DUSP4: variants seen among roughly 807,000 people sequenced by gnomAD.
The protein encoded by DUSP4 is dual specificity protein phosphatase 4.
A neutral mutation model predicts 27.2 loss-of-function variants in DUSP4; 12 were observed. The ratio of observed to expected loss-of-function variants is 0.44; its 90% confidence interval spans 0.28 to 0.71. The LOEUF (loss-of-function observed/expected upper bound fraction) is 0.71, where lower values mean the gene tolerates loss of function less well. DUSP4 is among the 30% of genes least tolerant of loss of function. The pLI, the probability that DUSP4 is intolerant of heterozygous loss-of-function variation, is 0.14. For synonymous variants in DUSP4, 257 were observed against 245.2 expected, an observed-to-expected ratio of 1.05 and a Z score of -0.45; for missense variants, 448 against 551.3, an observed-to-expected ratio of 0.81 and a Z score of 1.88.
At position 29,340,173 on chromosome 8, in the gene DUSP4, T is replaced by C; in HGVS notation, c.504A>G (p.Pro168=). ...CSKTKALAAI[P]PPVPPSATEP... ...CTGTGGCACTGGGGGGAACCGGGGG[T>C]GGGATGGCTGCCAGGGCCTTGGTTT... Residue 168 remains proline (P), a synonymous_variant, in exon 2 of 4, where the codon CCA becomes CCG. Transcript: ENST00000240100. The C allele has an allele frequency of 6.2e-7, 1 of 1,609,308 alleles. No individual in the cohort carries two copies. The highest frequency in any genetic ancestry group is 1.7e-4 in the Middle Eastern group (1 of 6,012).
chr8:29,338,245 C>A, intron 3 of DUSP4, 37 bp downstream of exon 3: 1 of 1,605,068 alleles, frequency 6.2e-7, no homozygotes, highest in Admixed American at 1.7e-5. Flanking sequence ...TCCCACCCGC[C>A]CTCAAACCCA....
At chr8:29,340,005 C>A in intron 2 of DUSP4, 93 bp downstream of exon 2, 2 of 1,466,810 alleles carry the variant, frequency 1.4e-6, no homozygotes, top group African/African-American at 1.4e-5. Flanking sequence ...AAAGCAAAGA[C>A]AAAAAACACC....
At chr8:29,348,567 AAACAACTGCGGGG>A (rs2117277862) in intron 1 of DUSP4, 1 of 985,590 alleles carries the variant, frequency 1.0e-6, no homozygotes, top group African/African-American at 1.7e-5. Context: ...AATGGGCAGG[AAACAACTGCGGGG>A]AACAAAGCCC....
chr8:29,350,387 T>C lies in DUSP4; in HGVS notation c.-109A>G. ...AGCTAAGAAGGGACGCCTGCAGAAGTGGCCGCAAACTTGGTCCTCAAGGGC... is the reference window on the plus strand; with the variant it reads ...AGCTAAGAAGGGACGCCTGCAGAAGCGGCCGCAAACTTGGTCCTCAAGGGC... On this transcript the variant is annotated 5_prime_UTR_variant, in exon 1 of 4. Transcript: ENST00000240100. 2.2e-6 allele frequency: 3 copies of C among 1,356,160 alleles called. No individual in the cohort carries two copies. Among genetic ancestry groups the C allele is most frequent in the Non-Finnish European group, 2.9e-6 (3 of 1,027,164 alleles). 84.0% of individuals were successfully genotyped at this position (1,356,160 alleles called of 1,614,324 possible).
chr8:29,345,477 G>C (rs867204110), intron 1 of DUSP4: 1 of 1,611,900 alleles, frequency 6.2e-7, no homozygotes, highest in East Asian at 2.2e-5. Context: ...CCTCCTGGGC[G>C]ATCTGCTATG....
Position 29,350,377 on chromosome 8 carries a change from C to A in DUSP4, c.-99G>T. The A allele has an allele frequency of 7.1e-7, 1 of 1,405,106 alleles. No individual in the cohort carries two copies. The highest frequency in any genetic ancestry group is 9.4e-7 in the Non-Finnish European group (1 of 1,067,910). The allele number at this position is 1,405,106 out of a possible 1,614,324, so 87.0% of individuals were successfully genotyped here. A position where few individuals can be genotyped will look rare whatever the true frequency, so the allele number is the denominator to read the frequency against. On this transcript the variant is annotated 5_prime_UTR_variant, in exon 1 of 4. Transcript: ENST00000240100. Reference sequence around the variant, plus strand: ...GGCGGGCGAGAGCTAAGAAGGGACGCCTGCAGAAGTGGCCGCAAACTTGGT... The same window carrying A: ...GGCGGGCGAGAGCTAAGAAGGGACGACTGCAGAAGTGGCCGCAAACTTGGT...
At position 29,334,599 on chromosome 8, in the gene DUSP4, C is replaced by T. The variant is rs1458346332; in HGVS notation, c.*2427G>A. On this transcript the variant is annotated 3_prime_UTR_variant, in exon 4 of 4. Transcript: ENST00000240100. ...GGGAAAGCAGGACTGTTTTAGCAAA[C>T]GTGTACTCGTTCTATAAAAATGGAA... 5.3e-5 allele frequency: 8 copies of T among 152,208 alleles called. No individual in the cohort carries two copies. Among genetic ancestry groups the T allele is most frequent in the African/African-American group, 1.9e-4 (8 of 41,448 alleles). 9.4% of individuals were successfully genotyped at this position (152,208 alleles called of 1,614,324 possible). A position where few individuals can be genotyped will look rare whatever the true frequency, so the allele number is the denominator to read the frequency against.
intron 1 of DUSP4, among the ~76,000 whole-genome samples, chr8:29,349,359 G>C (rs1587054410): frequency 1.3e-5 from 2 of 152,248 alleles, no homozygotes; most frequent in Non-Finnish European, 1.5e-5. Flanking sequence ...CCAGGGTCTT[G>C]TTTTCAGTGA....
chr8:29,348,682 C>T (rs1817774559), intron 1 of DUSP4: 1 of 985,390 alleles, frequency 1.0e-6, no homozygotes, highest in Non-Finnish European at 1.2e-6. Context: ...CCCTTTCCAG[C>T]TCCCTTCCTC....
intron 1 of DUSP4, among the ~76,000 whole-genome samples, 157 bp from the exon 2 acceptor site, chr8:29,340,400 C>A (rs1030259225): frequency 6.6e-6 from 1 of 152,110 alleles, no homozygotes; most frequent in Non-Finnish European, 1.5e-5. Context: ...TAGAGAATGG[C>A]CATGGAGTGG....
Position 29,349,856 on chromosome 8 carries a change from G to A in DUSP4, c.423C>T (p.Cys141=). Residue 141 remains cysteine, a synonymous_variant, in exon 1 of 4, where the codon TGC becomes TGT. Transcript: ENST00000240100. ...GGAGCCCTCGTTTACCTTTGAGCAG[G>A]CAGATGTCGGTGCGCTCGGCGTTGC... is the stretch of plus-strand genomic sequence containing the variant. ...LRRNAERTDI[C]LLKGGYERFS... The A allele has an allele frequency of 1.3e-6, 2 of 1,501,850 alleles. No individual in the cohort carries two copies. The highest frequency in any genetic ancestry group is 1.3e-5 in the South Asian group (1 of 75,338). 93.0% of individuals were successfully genotyped at this position (1,501,850 alleles called of 1,614,324 possible). A position where few individuals can be genotyped will look rare whatever the true frequency, so the allele number is the denominator to read the frequency against.
chr8:29,347,847 A>T (rs1185983284), intron 1 of DUSP4: 1 of 985,502 alleles, frequency 1.0e-6, no homozygotes, highest in African/African-American at 1.7e-5. Flanking sequence ...GGGCTCTCGA[A>T]TCGGTCTGGC....
chr8:29,338,155 G>A (rs957961929), intron 3 of DUSP4, 127 bp downstream of exon 3: 2 of 938,260 alleles, frequency 2.1e-6, no homozygotes, highest in Non-Finnish European at 1.6e-6. Context: ...TCCCAATGAG[G>A]AAGAGGGGGA....
At chr8:29,348,696 G>A (rs892774355) in intron 1 of DUSP4, 15 of 985,396 alleles carry the variant, frequency 1.5e-5, no homozygotes, top group Non-Finnish European at 1.8e-5. Context: ...CTTCCTCCCG[G>A]GTGGACAGGT....
At chr8:29,348,017 C>A in intron 1 of DUSP4, 2 of 985,566 alleles carry the variant, frequency 2.0e-6, no homozygotes, top group South Asian at 9.4e-5. Flanking sequence ...GGGCCGAGGT[C>A]CTGGAGCTGC....
At chr8:29,345,476 C>T (rs761802916) in intron 1 of DUSP4, 9 of 1,612,168 alleles carry the variant, frequency 5.6e-6, no homozygotes, top group African/African-American at 1.3e-5. Flanking sequence ...TCCTCCTGGG[C>T]GATCTGCTAT....
chr8:29,348,325 C>A, intron 1 of DUSP4: 4 of 985,642 alleles, frequency 4.1e-6, no homozygotes, highest in Non-Finnish European at 4.8e-6. Flanking sequence ...GGCGCGGACG[C>A]CCACCCTGGT....
At position 29,338,227 on chromosome 8, in the gene DUSP4, C is replaced by G. The variant is rs1322403333; in HGVS notation, c.799+55G>C. The G allele has an allele frequency of 2.5e-6, 4 of 1,581,180 alleles. No individual in the cohort carries two copies. The Admixed American group carries it at 6.7e-5, about 26-fold the overall frequency. ...CTTCAACCCAGGCTTACAGGGGTTC[C>G]TTATCCTTCCCACCCGCCCTCAAAC... On this transcript the variant is annotated intron_variant, in intron 3 of 3. Transcript: ENST00000240100.
rs1212139639 is a variant in DUSP4, at chr8:29,350,034, C to A, written c.245G>T (p.Ser82Ile). 1 of 1,595,100 alleles carries A rather than the reference C, an allele frequency of 6.3e-7. No homozygotes were observed. The highest frequency in any genetic ancestry group is 1.1e-5 in the South Asian group (1 of 89,416). Residue 82 changes from serine (S) to isoleucine (I), a missense_variant, in exon 1 of 4, where the codon AGC becomes ATC. Coordinates refer to ENST00000240100, the MANE Select transcript of DUSP4 (RefSeq NM_001394.7). ...CTCGGCGGGCAGGATCTGCTCCAGG[C>A]TCACGGAGCCCTTAGCCCGCCGCCG... is the stretch of plus-strand genomic sequence containing the variant. Reference protein sequence around the residue: ...IVRRRAKGSVSLEQILPAEEE... With the variant: ...IVRRRAKGSVILEQILPAEEE...
Sources: gnomAD v4.1 joint callset for allele counts (sites outside exome capture counted in the v4.1 genomes callset) on GRCh38, gnomAD v4.1.1 for gene constraint, MANE v1.5 for transcripts, NCBI Gene and HGNC (gene_info 2026-07-23, HGNC 2026-07-21) for gene names.